The following ZNF165 variants were observed in gnomAD, a reference collection of about 807,000 sequenced individuals.
ZNF165 encodes zinc finger protein 165.
Under a neutral mutation model 19.6 loss-of-function variants are expected in ZNF165, and 14 were observed. That is an observed-to-expected ratio of 0.71 (90% CI 0.47 to 1.12). The LOEUF is 1.12. ZNF165 is among the 50% of genes most tolerant of loss of function. ZNF165 has a pLI of 0.00. For missense variants in ZNF165, 504 were observed against 566.3 expected (o/e 0.89, Z 1.12); for synonymous variants, 165 against 195.0 (o/e 0.85, Z 1.28).
At position 28,089,284 on chromosome 6, in the gene ZNF165, A is replaced by G; in HGVS notation, c.1272A>G (p.Arg424=). Residue 424 remains arginine (R), a synonymous_variant, in exon 4 of 4, where the codon AGA becomes AGG. Coordinates refer to ENST00000683778, the MANE Select transcript of ZNF165 (RefSeq NM_001376491.1). ...HLIRHQRIHT[R]EKPYECSECG... is the part of the protein sequence containing the mutation. ...TCAGGCATCAGAGAATTCACACCAG[A>G]GAGAAACCCTACGAGTGTAGTGAAT... The G allele has an allele frequency of 6.2e-7, 1 of 1,614,180 alleles. No homozygotes were observed. Among genetic ancestry groups the G allele is most frequent in the Non-Finnish European group, 8.5e-7 (1 of 1,180,018 alleles).
rs148774905 is a variant in ZNF165, at chr6:28,086,224, C to T, written c.464C>T (p.Pro155Leu). 1.2e-5 allele frequency: 20 copies of T among 1,614,090 alleles called. No individual in the cohort carries two copies. Among genetic ancestry groups the T allele is most frequent in the Non-Finnish European group, 1.6e-5 (19 of 1,180,042 alleles). ...QEIFQKKVSP[P>L]GPALNVKLQP... ...ATATTCCAGAAAAAAGTGTCACCTC[C>T]TGGACCAGCACTTAATGTCAAGTTA... The change falls in exon 3 of 4, where the codon CCT becomes CTT. Residue 155 changes from proline (P) to leucine (L), a missense_variant. Transcript: ENST00000683778.
chr6:28,085,720 A>G lies in ZNF165; in HGVS notation c.240A>G (p.Pro80=), dbSNP rs745697074. The part of the protein sequence containing the change: ...LRELCCQWLK[P]EIHTKEQILE... ...AGCTCTGCTGTCAGTGGCTGAAGCC[A>G]GAGATCCATACCAAGGAACAGATTC... Residue 80 remains proline, a synonymous_variant, in exon 2 of 4, where the codon CCA becomes CCG. Transcript: ENST00000683778. 1.5e-5 allele frequency: 25 copies of G among 1,613,778 alleles called. No homozygotes were observed. The highest frequency in any genetic ancestry group is 1.9e-5 in the Non-Finnish European group (23 of 1,180,028).
intron 1 of ZNF165, among the ~76,000 whole-genome samples, chr6:28,084,866 A>G (rs1181086558): frequency 1.3e-5 from 2 of 152,188 alleles, no homozygotes. Context: ...GATGTTTTCT[A>G]CAATAACATC....
intron 1 of ZNF165, among the ~76,000 whole-genome samples, chr6:28,082,973 C>T (rs984978728): frequency 2.0e-5 from 3 of 151,038 alleles, no homozygotes; most frequent in African/African-American, 7.3e-5. Context: ...GATCCTTAAC[C>T]TCATGGAACA....
chr6:28,087,391 G>A (rs1012382282), intron 3 of ZNF165, among the ~76,000 whole-genome samples: 2 of 152,016 alleles, frequency 1.3e-5, no homozygotes, highest in African/African-American at 4.8e-5. Flanking sequence ...GATTACATGT[G>A]CCTGCCACCA....
Position 28,089,243 on chromosome 6 carries a change from C to G in ZNF165, c.1231C>G (p.Leu411Val). Reference protein sequence around the residue: ...GCKECGRAFNLNSHLIRHQRI... With the variant: ...GCKECGRAFNVNSHLIRHQRI... ...CAAAGAATGTGGGAGAGCATTCAAC[C>G]TGAACTCACATCTTATCAGGCATCA... The change falls in exon 4 of 4, where the codon CTG becomes GTG. Residue 411 changes from leucine (L) to valine (V), a missense_variant. Leu to Val is a conservative substitution (Grantham distance 32). Transcript: ENST00000683778. The G allele has an allele frequency of 6.2e-7, 1 of 1,614,120 alleles. No individual in the cohort carries two copies. The highest frequency in any genetic ancestry group is 8.5e-7 in the Non-Finnish European group (1 of 1,180,004).
At position 28,080,728 on chromosome 6, in the gene ZNF165, T is replaced by TCTGTAG. The variant is rs1764132119; in HGVS notation, c.-243_-242insCTGTAG. On this transcript the variant is annotated 5_prime_UTR_variant, in exon 1 of 4. Transcript: ENST00000683778. ...TCTTTTCAGGAGTCCCTTCTGTTATTTAGCAAGACACACTACTACAATGGA... is the reference window on the plus strand; with the variant it reads ...TCTTTTCAGGAGTCCCTTCTGTTATTCTGTAGTAGCAAGACACACTACTACAATGGA... 1 of 152,060 alleles carries TCTGTAG rather than the reference T, an allele frequency of 6.6e-6. No homozygotes were observed. The highest frequency in any genetic ancestry group is 2.4e-5 in the African/African-American group (1 of 41,372). The allele number at this position is 152,060 out of a possible 1,614,324, so 9.4% of individuals were successfully genotyped here. A position where few individuals can be genotyped will look rare whatever the true frequency, so the allele number is the denominator to read the frequency against.
At chr6:28,085,458 C>A in intron 1 of ZNF165, 23 bp from the exon 2 acceptor site, 2 of 1,593,316 alleles carry the variant, frequency 1.3e-6, no homozygotes, top group South Asian at 2.3e-5. Flanking sequence ...CAAAGCAGTT[C>A]TGATAATATA....
At position 28,086,199 on chromosome 6, in the gene ZNF165, A is replaced by T. The variant is rs1320965932; in HGVS notation, c.439A>T (p.Ile147Leu). Residue 147 changes from isoleucine to leucine, a missense_variant, in exon 3 of 4, where the codon ATA becomes TTA. Ile to Leu is a conservative substitution (Grantham distance 5, BLOSUM62 2). Coordinates refer to ENST00000683778, the MANE Select transcript of ZNF165 (RefSeq NM_001376491.1). ...TCAAGCCCATGAACATGGACAAGAA[A>T]TATTCCAGAAAAAAGTGTCACCTCC... ...QVQAHEHGQE[I>L]FQKKVSPPGP... 1.9e-6 allele frequency: 3 copies of T among 1,614,194 alleles called. No individual in the cohort carries two copies. The East Asian group carries it at 6.7e-5, about 36-fold the overall frequency.
Position 28,080,731 on chromosome 6 carries a change from G to A in ZNF165, c.-240G>A, listed in dbSNP as rs1037236368. 6.6e-6 allele frequency: 1 copy of A among 151,960 alleles called. No homozygotes were observed. Among genetic ancestry groups the A allele is most frequent in the Non-Finnish European group, 1.5e-5 (1 of 68,020 alleles). 9.4% of individuals were successfully genotyped at this position (151,960 alleles called of 1,614,324 possible). On this transcript the variant is annotated 5_prime_UTR_variant, in exon 1 of 4. Coordinates refer to ENST00000683778, the MANE Select transcript of ZNF165 (RefSeq NM_001376491.1). ...TTTCAGGAGTCCCTTCTGTTATTTA[G>A]CAAGACACACTACTACAATGGAGAA...
At chr6:28,087,662 C>A (rs1764310599) in intron 3 of ZNF165, among the ~76,000 whole-genome samples, 1 of 152,156 alleles carries the variant, frequency 6.6e-6, no homozygotes, top group Non-Finnish European at 1.5e-5. Flanking sequence ...ACTCCCTAAC[C>A]CTCTTTCCTG....
rs779567775 is a variant in ZNF165 at position 28,088,920 on chromosome 6, G to A, written c.908G>A (p.Trp303Ter). 2 of 1,614,076 alleles carry A rather than the reference G, an allele frequency of 1.2e-6. No homozygotes were observed. Among genetic ancestry groups the A allele is most frequent in the Non-Finnish European group, 1.7e-6 (2 of 1,180,004 alleles). The change falls in exon 4 of 4, where the codon TGG becomes TAG. Residue 303 changes from tryptophan (W) to a stop codon, truncating the protein, a stop_gained. Transcript: ENST00000683778. LOFTEE classifies it low-confidence loss of function (END_TRUNC). ...KHGTCDQSFKWNSDFINHQII... is the reference protein window; with the variant it reads ...KHGTCDQSFK ...GGTACCTGTGACCAGAGCTTCAAAT[G>A]GAACTCAGATTTTATTAACCATCAA...
At position 28,089,062 on chromosome 6, in the gene ZNF165, G is replaced by A; in HGVS notation, c.1050G>A (p.Gly350=). ...AAACTCATCAGTGTAATGAATGTGG[G>A]AAAGCTTTCAGGCACAGCTCAAAAC... ...GDKTHQCNEC[G]KAFRHSSKLA... is the part of the protein sequence containing the mutation. Residue 350 remains glycine (G), a synonymous_variant, in exon 4 of 4, where the codon GGG becomes GGA. Transcript: ENST00000683778. The A allele has an allele frequency of 6.2e-7, 1 of 1,614,188 alleles. No homozygotes were observed. The highest frequency in any genetic ancestry group is 8.5e-7 in the Non-Finnish European group (1 of 1,180,018).
intron 3 of ZNF165, among the ~76,000 whole-genome samples, chr6:28,086,935 C>T (rs1478390331): frequency 1.3e-5 from 2 of 152,050 alleles, no homozygotes; most frequent in East Asian, 1.9e-4. Flanking sequence ...AAAATATGTT[C>T]ATAGAGAAGT....
rs757188413 is a variant in ZNF165, at chr6:28,089,187, G to A, written c.1175G>A (p.Arg392Gln). The stretch of plus-strand genomic sequence containing the variant: ...AGCTCAGATCTTACTAGACATCGGC[G>A]AATTCACACTGGGGAAAGACCCTTT... ...AESSDLTRHR[R>Q]IHTGERPFGC... is the part of the protein sequence containing the mutation. The change falls in exon 4 of 4, where the codon CGA becomes CAA. Residue 392 changes from arginine (R) to glutamine (Q), a missense_variant. Transcript: ENST00000683778. The A allele has an allele frequency of 4.3e-5, 70 of 1,614,080 alleles. No homozygotes were observed. Among genetic ancestry groups the A allele is most frequent in the Middle Eastern group, 1.6e-4 (1 of 6,084 alleles).
At chr6:28,084,993 A>G (rs1053265535) in intron 1 of ZNF165, among the ~76,000 whole-genome samples, 1 of 151,664 alleles carries the variant, frequency 6.6e-6, no homozygotes, top group Non-Finnish European at 1.5e-5. Flanking sequence ...GTAATTTCCT[A>G]TTTCTTTCCC....
chr6:28,086,619 G>T (rs1764283088), intron 3 of ZNF165, among the ~76,000 whole-genome samples: 1 of 152,174 alleles, frequency 6.6e-6, no homozygotes, highest in African/African-American at 2.4e-5. Flanking sequence ...TGAGGCAGGA[G>T]AATGGCGTGA....
chr6:28,085,954 G>A (rs1161674890), intron 2 of ZNF165, 63 bp downstream of exon 2: 6 of 1,575,794 alleles, frequency 3.8e-6, no homozygotes, highest in Non-Finnish European at 5.1e-6. Flanking sequence ...TGGGAGGAGA[G>A]GCCCGAGATT....
At position 28,088,893 on chromosome 6, in the gene ZNF165, A is replaced by T. The variant is rs753168153; in HGVS notation, c.881A>T (p.His294Leu). 1.9e-6 allele frequency: 3 copies of T among 1,614,054 alleles called. No homozygotes were observed. The South Asian group carries it at 3.3e-5, about 18-fold the overall frequency. Residue 294 changes from histidine (H) to leucine (L), a missense_variant, in exon 4 of 4, where the codon CAT (histidine) becomes CTT (leucine). Physicochemically the swap from His to Leu is moderately conservative, Grantham distance 99 (BLOSUM62 -3). Coordinates refer to ENST00000683778, the MANE Select transcript of ZNF165 (RefSeq NM_001376491.1). ...TTCACACACCAGAAATCTTGTAAAC[A>T]TGGTACCTGTGACCAGAGCTTCAAA... ...NEFTHQKSCK[H>L]GTCDQSFKWN...
Sources: gnomAD v4.1 joint callset for allele counts (sites outside exome capture counted in the v4.1 genomes callset) on GRCh38, gnomAD v4.1.1 for gene constraint, MANE v1.5 for transcripts, NCBI Gene and HGNC (gene_info 2026-07-23, HGNC 2026-07-21) for gene names.